Variants in ASAH1 observed in about 807,000 individuals in gnomAD.
ASAH1 encodes N-acylsphingosine amidohydrolase 1, also known as acid ceramidase.
ASAH1 carries 70 observed loss-of-function variants against 59.5 expected under a neutral mutation model. The ratio of observed to expected loss-of-function variants is 1.18; its 90% CI spans 0.97 to 1.43. The LOEUF (loss-of-function observed/expected upper bound fraction) is 1.43, where lower values mean the gene tolerates loss of function less well. Ranked by LOEUF, ASAH1 falls within the 40% of genes most tolerant of loss-of-function variation. The probability of loss-of-function intolerance (pLI) is 0.00; values close to 1 mark genes in which losing one functional copy is unlikely to be tolerated. For synonymous variants in ASAH1, 213 were observed against 166.5 expected, an observed-to-expected ratio of 1.28 and a Z score of -2.15; for missense variants, 660 against 482.5, an observed-to-expected ratio of 1.37 and a Z score of -3.45.
At chr8:18,084,171 C>T, upstream of ASAH1, 1 of 1,548,540 alleles carries the variant, frequency 6.5e-7, no homozygotes, top group South Asian at 1.2e-5. Context: ...TGGGACCGCA[C>T]CATTCCAGGC....
intron 1 of ASAH1, among the ~76,000 whole-genome samples, chr8:18,081,735 A>G (rs1332890553): frequency 6.6e-6 from 1 of 152,260 alleles, no homozygotes; most frequent in African/African-American, 2.4e-5. Context: ...CTCATTATTC[A>G]TATTTATTGA....
At chr8:18,084,309 G>A (rs1219209777), upstream of ASAH1, 7 of 1,426,732 alleles carry the variant, frequency 4.9e-6, no homozygotes, top group African/African-American at 1.4e-5. Context: ...AGTCGCGATC[G>A]CCTTTGGCGC....
intron 2 of ASAH1, among the ~76,000 whole-genome samples, chr8:18,075,269 A>T (rs112928371): frequency 6.6e-6 from 1 of 152,082 alleles, no homozygotes; most frequent in Admixed American, 6.6e-5. Context: ...CTGGGATTAC[A>T]GGCGTGAGCC....
upstream of ASAH1, chr8:18,084,418 C>A (rs1039145475): frequency 1.4e-5 from 20 of 1,385,274 alleles, no homozygotes; most frequent in Middle Eastern, 2.7e-4. Flanking sequence ...CGTGGCGCCT[C>A]GATGGGGCGC....
At chr8:18,062,710 G>A (rs1799756679) in intron 7 of ASAH1, 1 of 444,258 alleles carries the variant, frequency 2.3e-6, no homozygotes, top group Non-Finnish European at 4.1e-6. Context: ...GAAAGGTCAA[G>A]ATGGACACAT....
intron 11 of ASAH1, 54 bp from the exon 12 acceptor site, chr8:18,059,518 T>C: frequency 6.2e-7 from 1 of 1,614,156 alleles, no homozygotes; most frequent in Non-Finnish European, 8.5e-7. Context: ...AAACTCAAAG[T>C]ATATCAGTGT....
chr8:18,084,360 C>A, upstream of ASAH1: 1 of 1,406,592 alleles, frequency 7.1e-7, no homozygotes, highest in Non-Finnish European at 9.2e-7. Context: ...GGGCAATAGT[C>A]GGACCGAGCC....
At chr8:18,069,967 G>T in intron 3 of ASAH1, 89 bp from the exon 4 acceptor site, 1 of 853,052 alleles carries the variant, frequency 1.2e-6, no homozygotes. Context: ...CTAAAAGAGA[G>T]TGCTATTTGA....
chr8:18,069,568 C>A, intron 4 of ASAH1: 2 of 474,688 alleles, frequency 4.2e-6, no homozygotes, highest in South Asian at 4.6e-5. Context: ...TGCCCAATGT[C>A]GTAATGTAGT....
intron 6 of ASAH1, chr8:18,063,442 T>A (rs1799793732): frequency 1.9e-6 from 1 of 533,884 alleles, no homozygotes; most frequent in Admixed American, 3.2e-5. Flanking sequence ...TAGTTGGGAT[T>A]ACAGACATGT....
chr8:18,084,379 G>A, upstream of ASAH1: 1 of 1,401,484 alleles, frequency 7.1e-7, no homozygotes. Flanking sequence ...CCGGAGCCCC[G>A]CCCCGTAGGT....
At chr8:18,067,144 T>TATCTAAGACATACAGCACCTGTGCC in intron 5 of ASAH1, 76 bp downstream of exon 5, 3 of 1,223,784 alleles carry the variant, frequency 2.5e-6, no homozygotes, top group Admixed American at 2.1e-5. Flanking sequence ...CTGTGCTGTA[T>TATCTAAGACATACAGCACCTGTGCC]GTATATCACA....
In ASAH1 at chr8:18,079,947, G is replaced by C. The variant is rs559762202; in HGVS notation, c.78+4034C>G. On this transcript the variant is annotated intron_variant, in intron 1 of 13. Transcript: ENST00000637790. ...TAAGCTACTGATATTTAGGTCAAAG[G>C]AATGTGAATAAACCCTCCATGAGAG... 7.2e-5 allele frequency among the ~76,000 whole-genome samples: 11 copies of C among 152,322 alleles called. No homozygotes were observed. In the South Asian group the frequency reaches 1.9e-3, roughly 26 times the overall value.
At chr8:18,078,660 G>A (rs940644454) in intron 1 of ASAH1, among the ~76,000 whole-genome samples, 2 of 152,122 alleles carry the variant, frequency 1.3e-5, no homozygotes, top group African/African-American at 4.8e-5. Context: ...CTTACTTAAT[G>A]TTATTTAAAG....
chr8:18,058,709 T>TA (rs1217280300), intron 13 of ASAH1, 126 bp downstream of exon 13: 1 of 848,948 alleles, frequency 1.2e-6, no homozygotes, highest in East Asian at 2.6e-5. Context: ...CATTTTTTAA[T>TA]AAAAAATCAG....
In ASAH1 at chr8:18,066,825, C is replaced by T. The variant is rs1294681386; in HGVS notation, c.382+395G>A. On this transcript the variant is annotated intron_variant, in intron 5 of 13. Transcript: ENST00000637790. ...CACAAATCTGAAAACCACCCAAATA[C>T]CCTGTTGATACAATAGCACACCACC... is the stretch of plus-strand genomic sequence containing the variant. 8 of 239,582 alleles carry T rather than the reference C, an allele frequency of 3.3e-5. 1 individual carries two copies. Among genetic ancestry groups the T allele is most frequent in the Non-Finnish European group, 6.4e-5 (8 of 124,268 alleles). 14.8% of individuals were successfully genotyped at this position (239,582 alleles called of 1,614,324 possible).
In ASAH1 at chr8:18,059,685, A is replaced by G; in HGVS notation, c.804T>C (p.Asn268=). The G allele has an allele frequency of 1.9e-6, 3 of 1,614,150 alleles. No homozygotes were observed. The highest frequency in any genetic ancestry group is 2.5e-6 in the Non-Finnish European group (3 of 1,180,004). ...ENSTSYEEAK[N]LLTKTKILAP... is the part of the protein sequence containing the mutation. ...CCAATATCTTGGTCTTGGTCAATAA[A>G]TTCTTGGCTTCTTCATAACTATATA... is the stretch of plus-strand genomic sequence containing the variant. Residue 268 remains asparagine (N), a synonymous_variant, in exon 11 of 14, where the codon AAT becomes AAC. Coordinates refer to ENST00000637790, the MANE Select transcript of ASAH1 (RefSeq NM_177924.5).
At position 18,061,470 on chromosome 8, in the gene ASAH1, G is replaced by A. The variant is rs1799696550; in HGVS notation, c.704-12C>T. On this transcript the variant is annotated splice_polypyrimidine_tract_variant and intron_variant, in intron 9 of 13. Coordinates refer to ENST00000637790, the MANE Select transcript of ASAH1 (RefSeq NM_177924.5). ...CCATTCTAGAATACCTGGAAGAGAT[G>A]AACACAATGTCAGGAACCGGAAGAG... 2 of 1,604,404 alleles carry A rather than the reference G, an allele frequency of 1.2e-6. No homozygotes were observed. The highest frequency in any genetic ancestry group is 1.7e-5 in the Admixed American group (1 of 59,988).
rs141382972 is a variant in ASAH1 at position 18,081,889 on chromosome 8, A to G, written c.78+2092T>C. On this transcript the variant is annotated intron_variant, in intron 1 of 13. Coordinates refer to ENST00000637790, the MANE Select transcript of ASAH1 (RefSeq NM_177924.5). Reference sequence around the variant, plus strand: ...AAAGGTCCTTCAGTGCATGGATCCCAGGATTTTCCAGGCCAGTAAAAAAAA... The same window carrying G: ...AAAGGTCCTTCAGTGCATGGATCCCGGGATTTTCCAGGCCAGTAAAAAAAA... Among the ~76,000 whole-genome samples the G allele has an allele frequency of 5.6e-3, 859 of 152,290 alleles. 5 individuals are homozygous for G. Among genetic ancestry groups the G allele is most frequent in the Non-Finnish European group, 8.0e-3 (542 of 68,024 alleles).
Sources: gnomAD v4.1 joint callset for allele counts (sites outside exome capture counted in the v4.1 genomes callset) on GRCh38, gnomAD v4.1.1 for gene constraint, MANE v1.5 for transcripts, NCBI Gene and HGNC (gene_info 2026-07-23, HGNC 2026-07-21) for gene names.